Variants in ZC3HAV1L observed in about 807,000 individuals in gnomAD.
ZC3HAV1L encodes the protein ZC3HAV1 like.
A neutral mutation model predicts 28.2 loss-of-function variants in ZC3HAV1L; 23 were observed. The observed-to-expected ratio is 0.82, with a 90% CI of 0.59 to 1.16. ZC3HAV1L has a LOEUF of 1.16. Among genes scored for constraint, ZC3HAV1L ranks in the 50% most tolerant of loss-of-function variants. The pLI is 0.00. For synonymous variants in ZC3HAV1L, 180 were observed against 163.4 expected (o/e 1.10, Z -0.78); for missense variants, 376 against 387.7 (o/e 0.97, Z 0.25).
At chr7:139,032,693 T>A (rs1305878800) in intron 2 of ZC3HAV1L, among the ~76,000 whole-genome samples, 3 of 149,282 alleles carry the variant, frequency 2.0e-5, no homozygotes, top group Non-Finnish European at 4.5e-5. Context: ...TAAAATAAAA[T>A]TTAAAAAAAT....
intron 1 of ZC3HAV1L, chr7:139,035,439 G>C: frequency 1.0e-6 from 1 of 985,394 alleles, no homozygotes; most frequent in Non-Finnish European, 1.2e-6. Flanking sequence ...GGGCGGTTGA[G>C]ACGTCTCCAT....
chr7:139,035,393 C>A (rs1554437256), intron 1 of ZC3HAV1L: 2 of 373,538 alleles, frequency 5.4e-6, no homozygotes, highest in African/African-American at 2.2e-5. Flanking sequence ...GCGCAGGATC[C>A]GGGGGGGCGG....
Position 139,035,692 on chromosome 7 carries a change from C to A in ZC3HAV1L, c.326G>T (p.Arg109Leu), listed in dbSNP as rs1363069941. 1.4e-6 allele frequency: 2 copies of A among 1,478,572 alleles called. No homozygotes were observed. Among genetic ancestry groups the A allele is most frequent in the African/African-American group, 1.5e-5 (1 of 68,144 alleles). The allele number at this position is 1,478,572 out of a possible 1,614,324, so 91.6% of individuals were successfully genotyped here. Residue 109 changes from arginine to leucine, a missense_variant, in exon 1 of 5, where the codon CGC becomes CTC. Arg to Leu is a moderately radical substitution (Grantham distance 102). Transcript: ENST00000275766. ...GGGGCACTTGCCCAGCATGTGCCGG[C>A]GGCAGAAGTGCAGCTGGTCGCAGGC... is the stretch of plus-strand genomic sequence containing the variant. ...CQACDQLHFCRRHMLGKCPNR... is the reference protein window; with the variant it reads ...CQACDQLHFCLRHMLGKCPNR...
At chr7:139,023,010 AC>A (rs1815275649), downstream of ZC3HAV1L, among the ~76,000 whole-genome samples, 1 of 152,070 alleles carries the variant, frequency 6.6e-6, no homozygotes, top group African/African-American at 2.4e-5. Flanking sequence ...CCCCATCTCT[AC>A]TAAAAATACA....
chr7:139,027,190 A>G (rs187155832), intron 3 of ZC3HAV1L, among the ~76,000 whole-genome samples: 86 of 152,272 alleles, frequency 5.6e-4, no homozygotes, highest in Non-Finnish European at 1.1e-3. Flanking sequence ...TACGTCTGAC[A>G]CTAACATCCC....
In ZC3HAV1L at chr7:139,035,663, G is replaced by T; in HGVS notation, c.355C>A (p.Arg119=). The change falls in exon 1 of 5, where the codon CGG becomes AGG. Residue 119 remains arginine (R), a synonymous_variant. Transcript: ENST00000275766. The part of the protein sequence containing the change: ...RRHMLGKCPN[R]DCWSTCTLSH... ...CCGCCGCCTTCTCACCAGCAGTCCC[G>T]GTTGGGGCACTTGCCCAGCATGTGC... The T allele has an allele frequency of 1.4e-6, 2 of 1,456,672 alleles. No individual in the cohort carries two copies. Among genetic ancestry groups the T allele is most frequent in the Admixed American group, 2.6e-5 (1 of 38,130 alleles). The allele number at this position is 1,456,672 out of a possible 1,614,324, so 90.2% of individuals were successfully genotyped here.
At chr7:139,023,196 A>C (rs1213790897), downstream of ZC3HAV1L, among the ~76,000 whole-genome samples, 3 of 151,344 alleles carry the variant, frequency 2.0e-5, no homozygotes, top group East Asian at 3.9e-4. Flanking sequence ...AAAAAAAAAA[A>C]AAAAAACAGG....
intron 3 of ZC3HAV1L, among the ~76,000 whole-genome samples, 153 bp from the exon 4 acceptor site, chr7:139,026,986 G>A (rs1394439930): frequency 6.6e-6 from 1 of 152,058 alleles, no homozygotes; most frequent in African/African-American, 2.4e-5. Context: ...TTGTATGTGT[G>A]TGTGTATAAA....
chr7:139,024,065 A>G (rs1488748874), downstream of ZC3HAV1L, among the ~76,000 whole-genome samples: 12 of 152,354 alleles, frequency 7.9e-5, no homozygotes, highest in East Asian at 3.9e-4. Flanking sequence ...AGGAAAATTC[A>G]TAATTCAATT....
At position 139,026,467 on chromosome 7, in the gene ZC3HAV1L, A is replaced by C; in HGVS notation, c.*77T>G. 1.0e-5 allele frequency: 16 copies of C among 1,590,920 alleles called. No individual in the cohort carries two copies. The highest frequency in any genetic ancestry group is 1.3e-5 in the Non-Finnish European group (15 of 1,171,164). ...AATTTTAGCCTCTCTTTGCCTGTTCAATGTCCCACCCCATCCCCAACCACC... is the reference window on the plus strand; with the variant it reads ...AATTTTAGCCTCTCTTTGCCTGTTCCATGTCCCACCCCATCCCCAACCACC... On this transcript the variant is annotated 3_prime_UTR_variant, in exon 5 of 5. Coordinates refer to ENST00000275766, the MANE Select transcript of ZC3HAV1L (RefSeq NM_080660.4).
chr7:139,021,735 T>C (rs1417708434), downstream of ZC3HAV1L, among the ~76,000 whole-genome samples: 4 of 152,180 alleles, frequency 2.6e-5, no homozygotes, highest in African/African-American at 7.2e-5. Context: ...CAAACAAGAA[T>C]AGAAGATGTT....
intron 1 of ZC3HAV1L, 37 bp downstream of exon 1, chr7:139,035,616 C>T (rs1815684756): frequency 2.9e-6 from 4 of 1,358,194 alleles, no homozygotes; most frequent in Non-Finnish European, 3.8e-6. Flanking sequence ...GGCCCGCGGC[C>T]AGCGCCCACA....
At chr7:139,027,376 T>C (rs1228796634) in intron 3 of ZC3HAV1L, among the ~76,000 whole-genome samples, 1 of 152,170 alleles carries the variant, frequency 6.6e-6, no homozygotes, top group Non-Finnish European at 1.5e-5. Context: ...CTTTGTAGAC[T>C]AAAAAACTAC....
rs146611405 is a variant in ZC3HAV1L, at chr7:139,028,847, C to A, written c.615G>T (p.Gln205His). The A allele has an allele frequency of 2.6e-4, 412 of 1,614,142 alleles. 1 individual carries two copies. In the African/African-American group the frequency reaches 4.3e-3, roughly 17 times the overall value. Residue 205 changes from glutamine to histidine, a missense_variant, in exon 3 of 5, where the codon CAG becomes CAT. Coordinates refer to ENST00000275766, the MANE Select transcript of ZC3HAV1L (RefSeq NM_080660.4). ...TAAGCTGATGGGACCGTTTGCAGGT[C>A]TGAAGTTTGCATTCTCCTTTCACAA... ...KSFVKGECKL[Q>H]TCKRSHQLIH...
chr7:139,025,000 G>A (rs945582723), downstream of ZC3HAV1L, among the ~76,000 whole-genome samples: 6 of 152,088 alleles, frequency 3.9e-5, no homozygotes, highest in Admixed American at 2.6e-4. Context: ...CAGGGAGGAA[G>A]GGAGAAGGGA....
chr7:139,023,183 A>G (rs955621742), downstream of ZC3HAV1L, among the ~76,000 whole-genome samples: 3 of 33,202 alleles, frequency 9.0e-5, no homozygotes, highest in East Asian at 1.3e-3. Flanking sequence ...AGGAAAAAAG[A>G]AAAAAAAAAA....
downstream of ZC3HAV1L, among the ~76,000 whole-genome samples, chr7:139,025,388 T>C (rs1157818843): frequency 6.7e-6 from 1 of 149,732 alleles, no homozygotes; most frequent in Non-Finnish European, 1.5e-5. Context: ...GCGGAGGTTA[T>C]GGTGAGATGA....
Position 139,026,701 on chromosome 7 carries a change from G to A in ZC3HAV1L, c.886+7C>T, listed in dbSNP as rs1036750443. On this transcript the variant is annotated splice_region_variant and intron_variant, in intron 4 of 4. Coordinates refer to ENST00000275766, the MANE Select transcript of ZC3HAV1L (RefSeq NM_080660.4). ...TTCTTAGTTCACTGACCCCCTTTAA[G>A]GTTTACCTGGGCAGGGCTTCTTGGC... 4.3e-6 allele frequency: 7 copies of A among 1,613,836 alleles called. No homozygotes were observed. Among genetic ancestry groups the A allele is most frequent in the Non-Finnish European group, 4.2e-6 (5 of 1,179,970 alleles).
chr7:139,026,591 A>G (rs754002975), intron 4 of ZC3HAV1L, 31 bp from the exon 5 acceptor site: 47 of 1,612,040 alleles, frequency 2.9e-5, no homozygotes, highest in Non-Finnish European at 3.5e-5. Flanking sequence ...TGACCATTAC[A>G]AATCTATCAT....
Sources: gnomAD v4.1 joint callset for allele counts (sites outside exome capture counted in the v4.1 genomes callset) on GRCh38, gnomAD v4.1.1 for gene constraint, MANE v1.5 for transcripts, NCBI Gene and HGNC (gene_info 2026-07-23, HGNC 2026-07-21) for gene names.